KMT2D: variants seen among roughly 807,000 people sequenced by gnomAD.
The protein encoded by KMT2D is lysine methyltransferase 2D.
KMT2D carries 55 observed loss-of-function variants against 512.7 expected under a neutral mutation model. That is an observed-to-expected ratio of 0.11 (90% CI 0.09 to 0.13). The LOEUF is 0.13. Ranked by LOEUF, KMT2D falls within the 10% of genes least tolerant of loss-of-function variation. The pLI, the probability that KMT2D is intolerant of heterozygous loss-of-function variation, is 1.00. For missense variants in KMT2D, 6,061 were observed against 7,127.9 expected (o/e 0.85, Z 5.39); for synonymous variants, 2,995 against 2,904.0 (o/e 1.03, Z -1.01).
rs2120641753 is a variant in KMT2D at position 49,049,858 on chromosome 12, C to T, written c.3730G>A (p.Val1244Ile). 6.2e-7 allele frequency: 1 copy of T among 1,613,962 alleles called. No homozygotes were observed. The highest frequency in any genetic ancestry group is 8.5e-7 in the Non-Finnish European group (1 of 1,179,892). Residue 1244 changes from valine (V) to isoleucine (I), a missense_variant, in exon 12 of 55, where the codon GTC (valine) becomes ATC (isoleucine). Val to Ile is a conservative substitution (Grantham distance 29). Transcript: ENST00000301067. ...CGGGCTGGACTAACATCCGTAGAGA[C>T]CCCCAACTCCATGGACAGGGAGCCA... The part of the protein sequence containing the change: ...GGGSLSMELG[V>I]STDVSPARDE...
At chr12:49,057,547 A>C (rs1592166312) in intron 1 of KMT2D, among the ~76,000 whole-genome samples, 1 of 152,318 alleles carries the variant, frequency 6.6e-6, no homozygotes, top group East Asian at 1.9e-4. Context: ...GGGGCCATGG[A>C]AGATGAGAGA....
chr12:49,040,066 G>C lies in KMT2D; in HGVS notation c.7704C>G (p.Pro2568=), dbSNP rs758460806. 2 of 1,613,882 alleles carry C rather than the reference G, an allele frequency of 1.2e-6. No individual in the cohort carries two copies. Among genetic ancestry groups the C allele is most frequent in the Non-Finnish European group, 1.7e-6 (2 of 1,179,840 alleles). The stretch of plus-strand genomic sequence containing the variant: ...TTTGAGGCTTGCCCAAGGTGGGGCC[G>C]GGCCCAAAATGGCTGTTGATCCCAT... ...PPHGINSHFG[P]GPTLGKPQST... is the part of the protein sequence containing the mutation. The change falls in exon 32 of 55, where the codon CCC becomes CCG. Residue 2568 remains proline, a synonymous_variant. Coordinates refer to ENST00000301067, the MANE Select transcript of KMT2D (RefSeq NM_003482.4).
In KMT2D at chr12:49,041,204, A is replaced by T. The variant is rs1943508360; in HGVS notation, c.6566T>A (p.Phe2189Tyr). 6.6e-7 allele frequency: 1 copy of T among 1,512,972 alleles called. No individual in the cohort carries two copies. The highest frequency in any genetic ancestry group is 8.8e-7 in the Non-Finnish European group (1 of 1,133,212). The allele number at this position is 1,512,972 out of a possible 1,614,324, so 93.7% of individuals were successfully genotyped here. A position where few individuals can be genotyped will look rare whatever the true frequency, so the allele number is the denominator to read the frequency against. Residue 2189 changes from phenylalanine to tyrosine, a missense_variant, in exon 32 of 55, where the codon TTC becomes TAC. Phe to Tyr is a conservative substitution (Grantham distance 22). Transcript: ENST00000301067. The surrounding 1 kb of genome is among the most constrained non-coding windows in gnomAD (Gnocchi z 5.4). ...LAPAYPLEPR[F>Y]PTAPPTYPPY... The stretch of plus-strand genomic sequence containing the variant: ...GGGATAGGTGGGCGGTGCCGTGGGG[A>T]AGCGGGGCTCCAGGGGATAGGCAGG...
At position 49,024,585 on chromosome 12, in the gene KMT2D, AGT is replaced by A; in HGVS notation, c.16043_16044del (p.His5348LeufsTer14). 1 of 1,611,366 alleles carries A rather than the reference AGT, an allele frequency of 6.2e-7. No homozygotes were observed. ...CCAGCATCACAAGCTCACCGTTTGT[AGT>A]GTGTGAGGATTTTAGGCTCTGATCG... ...CARSEPKILT[H>X]YKRPHTLNST... On this transcript the variant is annotated frameshift_variant, in exon 51 of 55. Transcript: ENST00000301067. LOFTEE classifies it high-confidence loss of function. This position sits in a 1 kb window ranked among gnomAD's most constrained non-coding sequence, Gnocchi z 4.5.
Position 49,042,398 on chromosome 12 carries a change from GA to G in KMT2D, c.5868-69del. 6.7e-7 allele frequency: 1 copy of G among 1,492,634 alleles called. No individual in the cohort carries two copies. The highest frequency in any genetic ancestry group is 8.9e-7 in the Non-Finnish European group (1 of 1,118,142). The allele number at this position is 1,492,634 out of a possible 1,614,324, so 92.5% of individuals were successfully genotyped here. The stretch of plus-strand genomic sequence containing the variant: ...AGTCCCACCCCAGACAAACTGCCTA[GA>G]GCCCCAGGCCACTGCCCTGCCCCAA... On this transcript the variant is annotated intron_variant, in intron 28 of 54. Transcript: ENST00000301067. This position sits in a 1 kb window ranked among gnomAD's most constrained non-coding sequence, Gnocchi z 4.4.
Position 49,046,048 on chromosome 12 carries a change from C to A in KMT2D, c.4693+17G>T, listed in dbSNP as rs1413657694. On this transcript the variant is annotated intron_variant, in intron 18 of 54. Coordinates refer to ENST00000301067, the MANE Select transcript of KMT2D (RefSeq NM_003482.4). This position sits in a 1 kb window ranked among gnomAD's most constrained non-coding sequence, Gnocchi z 4.2. ...CCCTGCTCTGACTCCTCCCCCTACC[C>A]AGCAGCTGGTACTCACCCACAGGCT... 1 of 1,611,490 alleles carries A rather than the reference C, an allele frequency of 6.2e-7. No homozygotes were observed. Among genetic ancestry groups the A allele is most frequent in the East Asian group, 2.2e-5 (1 of 44,804 alleles).
Position 49,021,946 on chromosome 12 carries a change from AGG to A in KMT2D, c.16522-76_16522-75del, listed in dbSNP as rs1307696006. The A allele has an allele frequency of 4.1e-5, 64 of 1,554,590 alleles. No individual in the cohort carries two copies. In the African/African-American group the frequency reaches 8.1e-4, roughly 20 times the overall value. On this transcript the variant is annotated intron_variant, in intron 54 of 54. Transcript: ENST00000301067. Reference sequence around the variant, plus strand: ...GGGAGGCCAGAGAAGATATGATCTGAGGTGCCCAGCCTAGGAATCCACATTTA... The same window carrying A: ...GGGAGGCCAGAGAAGATATGATCTGATGCCCAGCCTAGGAATCCACATTTA...
chr12:49,026,901 G>C lies in KMT2D; in HGVS notation c.15065C>G (p.Pro5022Arg), dbSNP rs754455263. 1.2e-6 allele frequency: 2 copies of C among 1,614,016 alleles called. No individual in the cohort carries two copies. Among genetic ancestry groups the C allele is most frequent in the South Asian group, 2.2e-5 (2 of 91,088 alleles). ...FMEQLGTALR[P>R]DKVPRDMRRC... is the part of the protein sequence containing the mutation. ...ACGCATGTCTCGCGGTACCTTGTCA[G>C]GTCGCAAGGCTGTGCCAAGCTGCTC... Residue 5022 changes from proline to arginine, a missense_variant, in exon 49 of 55, where the codon CCT becomes CGT. This residue lies in a region of KMT2D where 1,600 missense variants were observed against 1,754.9 expected (regional missense o/e 0.91). Transcript: ENST00000301067. This position sits in a 1 kb window ranked among gnomAD's most constrained non-coding sequence, Gnocchi z 9.6.
chr12:49,042,714 T>A lies in KMT2D; in HGVS notation c.5782+27A>T, dbSNP rs371892108. 6.2e-6 allele frequency: 10 copies of A among 1,609,358 alleles called. No individual in the cohort carries two copies. The highest frequency in any genetic ancestry group is 8.5e-6 in the Non-Finnish European group (10 of 1,176,748). ...CTGGAGGCAAGCTTGGTTATGTCAG[T>A]CTTCAGACCACTCCCACCTGTATTA... On this transcript the variant is annotated intron_variant, in intron 27 of 54. Coordinates refer to ENST00000301067, the MANE Select transcript of KMT2D (RefSeq NM_003482.4). The surrounding 1 kb of genome is among the most constrained non-coding windows in gnomAD (Gnocchi z 4.4).
In KMT2D at chr12:49,060,579, G is replaced by C. The variant is rs751487847; in HGVS notation, c.-1004C>G. 6.6e-5 allele frequency among the ~76,000 whole-genome samples: 10 copies of C among 152,236 alleles called. No homozygotes were observed. The highest frequency in any genetic ancestry group is 1.2e-4 in the Non-Finnish European group (8 of 68,040). ...CAACCGGAGAGGAAAGTAGTGCAGC[G>C]CGGCGCCGCTCCGCCTCCCCCCCTC... On this transcript the variant is annotated 5_prime_UTR_variant, in exon 1 of 55. Transcript: ENST00000301067.
chr12:49,044,155 G>GC lies in KMT2D; in HGVS notation c.5188+44dup. On this transcript the variant is annotated intron_variant, in intron 22 of 54. Transcript: ENST00000301067. The surrounding 1 kb of genome is among the most constrained non-coding windows in gnomAD (Gnocchi z 6.4). The stretch of plus-strand genomic sequence containing the variant: ...CCACCCCCTGGGTCTCTCTAGCATT[G>GC]CCCCACCTTCTCCCAGGCCCCACTG... 6.3e-7 allele frequency: 1 copy of GC among 1,598,558 alleles called. No individual in the cohort carries two copies. Among genetic ancestry groups the GC allele is most frequent in the East Asian group, 2.2e-5 (1 of 44,714 alleles).
chr12:49,048,798 G>T, intron 13 of KMT2D, 29 bp from the exon 14 acceptor site: 1 of 1,468,778 alleles, frequency 6.8e-7, no homozygotes, highest in Non-Finnish European at 9.4e-7. Context: ...TGGAAAGTGA[G>T]GCAGATAAAT....
rs1943391472 is a variant in KMT2D at position 49,039,656 on chromosome 12, C to T, written c.8047-39G>A. On this transcript the variant is annotated intron_variant, in intron 32 of 54. Transcript: ENST00000301067. This position sits in a 1 kb window ranked among gnomAD's most constrained non-coding sequence, Gnocchi z 5.0. ...AGAGAAGAGGAATAAGCCCATTCTA[C>T]TCCAATCATAGGGCTGCCCCAGAGA... 6.2e-7 allele frequency: 1 copy of T among 1,603,160 alleles called. No homozygotes were observed. The highest frequency in any genetic ancestry group is 8.5e-7 in the Non-Finnish European group (1 of 1,176,222).
In KMT2D at chr12:49,027,894, T is replaced by C; in HGVS notation, c.14552A>G (p.Asp4851Gly). The stretch of plus-strand genomic sequence containing the variant: ...CTGCTTCAGCCAATCAGGGCCAGTG[T>C]CTGGGCTCTTGCCTTCCAGACCCTT... ...KEKGLEGKSP[D>G]TGPDWLKQFD... is the part of the protein sequence containing the mutation. Residue 4851 changes from aspartate (D) to glycine (G), a missense_variant, in exon 48 of 55, where the codon GAC (aspartate) becomes GGC (glycine). Around this residue, in one of 16 missense-constraint regions of KMT2D, gnomAD observed 1,600 missense variants for 1,754.9 expected, o/e 0.91. Coordinates refer to ENST00000301067, the MANE Select transcript of KMT2D (RefSeq NM_003482.4). The C allele has an allele frequency of 6.2e-7, 1 of 1,613,698 alleles. No homozygotes were observed. Among genetic ancestry groups the C allele is most frequent in the Non-Finnish European group, 8.5e-7 (1 of 1,179,788 alleles).
At chr12:49,056,058 G>A (rs2120721689) in intron 1 of KMT2D, among the ~76,000 whole-genome samples, 1 of 152,346 alleles carries the variant, frequency 6.6e-6, no homozygotes, top group East Asian at 1.9e-4. Context: ...GAAGGTCTCA[G>A]GTCATTGCCC....
chr12:49,031,291 C>T lies in KMT2D; in HGVS notation c.13414G>A (p.Val4472Met). 3 of 1,613,568 alleles carry T rather than the reference C, an allele frequency of 1.9e-6. No individual in the cohort carries two copies. The highest frequency in any genetic ancestry group is 1.7e-6 in the Non-Finnish European group (2 of 1,179,898). Residue 4472 changes from valine (V) to methionine (M), a missense_variant, in exon 40 of 55, where the codon GTG becomes ATG. Around this residue, in one of 16 missense-constraint regions of KMT2D, gnomAD observed 1,600 missense variants for 1,754.9 expected, o/e 0.91. Coordinates refer to ENST00000301067, the MANE Select transcript of KMT2D (RefSeq NM_003482.4). ...GACCCCCGCCCAGTGCTGAGTTGCA[C>T]ATTCTTTGCCCGGAGTAGCTTCTGC... Reference protein sequence around the residue: ...LLQKLLRAKNVQLSTGRGSEG... With the variant: ...LLQKLLRAKNMQLSTGRGSEG...
Position 49,037,964 on chromosome 12 carries a change from G to A in KMT2D, c.9392C>T (p.Pro3131Leu), listed in dbSNP as rs2120488449. 6.2e-7 allele frequency: 1 copy of A among 1,602,204 alleles called. No individual in the cohort carries two copies. The highest frequency in any genetic ancestry group is 1.1e-5 in the South Asian group (1 of 89,398). Reference protein sequence around the residue: ...KVEEGGRHPSPCQFTIATPKV... With the variant: ...KVEEGGRHPSLCQFTIATPKV... The stretch of plus-strand genomic sequence containing the variant: ...GGGGGTAGCAATGGTGAATTGGCAA[G>A]GAGAAGGGTGGCGTCCACCCTCCTC... The change falls in exon 35 of 55, where the codon CCT (proline) becomes CTT (leucine). Residue 3131 changes from proline (P) to leucine (L), a missense_variant. Coordinates refer to ENST00000301067, the MANE Select transcript of KMT2D (RefSeq NM_003482.4).
intron 44 of KMT2D, 79 bp from the exon 45 acceptor site, chr12:49,029,315 C>T (rs2120396666): frequency 6.9e-6 from 11 of 1,585,196 alleles, no homozygotes; most frequent in Non-Finnish European, 9.5e-6. Flanking sequence ...AGATGTCTTA[C>T]TTGAAATCTC....
chr12:49,053,423 C>T (rs2120695892), intron 7 of KMT2D, 53 bp downstream of exon 7: 6 of 1,609,854 alleles, frequency 3.7e-6, no homozygotes, highest in Non-Finnish European at 5.1e-6. Context: ...CCCTCATTTT[C>T]AACCCTAACC....
Sources: gnomAD v4.1 joint callset for allele counts (sites outside exome capture counted in the v4.1 genomes callset) on GRCh38, gnomAD v4.1.1 for gene constraint, gnomAD v4.1.1 regional missense constraint, Gnocchi (gnomAD v3.1) non-coding constraint, MANE v1.5 for transcripts, NCBI Gene and HGNC (gene_info 2026-07-23, HGNC 2026-07-21) for gene names.